PPM1H: variants seen among roughly 807,000 people sequenced by gnomAD.
The protein encoded by PPM1H is protein phosphatase, Mg2+/Mn2+ dependent 1H, also known as protein phosphatase 1H.
In PPM1H, 27 loss-of-function variants were observed where a neutral mutation model predicts 54.9. That is an observed-to-expected ratio of 0.49 (90% CI 0.36 to 0.68). The LOEUF (loss-of-function observed/expected upper bound fraction) is 0.68. PPM1H is among the 30% of genes least tolerant of loss of function. The pLI is 0.00. For missense variants in PPM1H, 596 were observed against 667.8 expected, an observed-to-expected ratio of 0.89 and a Z score of 1.19; for synonymous variants, 305 against 270.8, an observed-to-expected ratio of 1.13 and a Z score of -1.24.
At chr12:62,650,148 G>A (rs1013793380) in intron 9 of PPM1H, among the ~76,000 whole-genome samples, 3 of 152,266 alleles carry the variant, frequency 2.0e-5, no homozygotes, top group African/African-American at 7.2e-5. Context: ...CATTATTTAA[G>A]AACAAGTCCT....
At chr12:62,802,715 G>GA (rs1161049000) in intron 2 of PPM1H, among the ~76,000 whole-genome samples, 14 of 152,028 alleles carry the variant, frequency 9.2e-5, no homozygotes, top group African/African-American at 2.9e-4. Context: ...GAGTAGCTGG[G>GA]ACTACAGGCG....
At chr12:62,679,601 T>C (rs1239036999) in intron 8 of PPM1H, among the ~76,000 whole-genome samples, 1 of 152,172 alleles carries the variant, frequency 6.6e-6, no homozygotes. Context: ...TAGATACTAA[T>C]GTGAATGTTT....
At chr12:62,740,333 C>T (rs1328664485) in intron 4 of PPM1H, among the ~76,000 whole-genome samples, 1 of 152,150 alleles carries the variant, frequency 6.6e-6, no homozygotes, top group Non-Finnish European at 1.5e-5. Context: ...ATTCTGATCT[C>T]CCAGGCAGCA....
chr12:62,904,810 G>C lies in PPM1H; in HGVS notation c.245+29682C>G, dbSNP rs577578129. On this transcript the variant is annotated intron_variant, in intron 1 of 9. Transcript: ENST00000228705. ...CCTTATTAGTATATAAAATAGTAGC[G>C]TGCCCAAAATCAGTATCTTAGTATA... Among the ~76,000 whole-genome samples the C allele has an allele frequency of 1.3e-5, 2 of 152,060 alleles. 1 individual carries two copies. Among genetic ancestry groups the C allele is most frequent in the Admixed American group, 1.3e-4 (2 of 15,256 alleles).
At chr12:62,672,488 C>T (rs1025455960) in intron 8 of PPM1H, among the ~76,000 whole-genome samples, 1 of 152,182 alleles carries the variant, frequency 6.6e-6, no homozygotes, top group African/African-American at 2.4e-5. Flanking sequence ...TGGAGTGCTA[C>T]CTTAACCAAG....
At chr12:62,809,475 A>G (rs147703037) in intron 2 of PPM1H, among the ~76,000 whole-genome samples, 1 of 152,354 alleles carries the variant, frequency 6.6e-6, no homozygotes, top group African/African-American at 2.4e-5. Flanking sequence ...ATCTGTGAAC[A>G]TGAAGGAATG....
chr12:62,849,098 A>G (rs1344351416), intron 1 of PPM1H, among the ~76,000 whole-genome samples: 1 of 152,158 alleles, frequency 6.6e-6, no homozygotes, highest in Admixed American at 6.5e-5. Flanking sequence ...GGGAGAGGGC[A>G]GGGGACACAC....
intron 4 of PPM1H, among the ~76,000 whole-genome samples, chr12:62,758,036 CA>C (rs2076486179): frequency 6.6e-6 from 1 of 152,170 alleles, no homozygotes; most frequent in South Asian, 2.1e-4. Flanking sequence ...ATTTGCTGTT[CA>C]AAAGGCTAAA....
chr12:62,656,718 G>GTAAT (rs2075846174), intron 9 of PPM1H, among the ~76,000 whole-genome samples: 1 of 152,140 alleles, frequency 6.6e-6, no homozygotes, highest in African/African-American at 2.4e-5. Context: ...GACACCCGCA[G>GTAAT]TAATACAGTG....
chr12:62,819,291 G>A (rs770755593), intron 2 of PPM1H, among the ~76,000 whole-genome samples: 5 of 151,390 alleles, frequency 3.3e-5, no homozygotes, highest in Admixed American at 2.6e-4. Context: ...CACTGCACCC[G>A]GCTAATTTTT....
At position 62,667,122 on chromosome 12, in the gene PPM1H, G is replaced by A. The variant is rs193283605; in HGVS notation, c.1397+56C>T. ...AAAATTGCATGATTATTAATTTCAG[G>A]CATGTCATGGAAGAATGCTTGAGGA... On this transcript the variant is annotated intron_variant, in intron 9 of 9. Coordinates refer to ENST00000228705, the MANE Select transcript of PPM1H (RefSeq NM_020700.2). 1.5e-5 allele frequency: 22 copies of A among 1,473,560 alleles called. No homozygotes were observed. In the Admixed American group the frequency reaches 4.2e-4, roughly 28 times the overall value. 91.3% of individuals were successfully genotyped at this position (1,473,560 alleles called of 1,614,324 possible).
chr12:62,811,208 G>T (rs1282982775), intron 2 of PPM1H, among the ~76,000 whole-genome samples: 4 of 152,138 alleles, frequency 2.6e-5, no homozygotes, highest in Non-Finnish European at 5.9e-5. Context: ...GTGATGATAT[G>T]TATCTATGCA....
At chr12:62,847,337 T>C (rs1869011280) in intron 1 of PPM1H, among the ~76,000 whole-genome samples, 1 of 152,204 alleles carries the variant, frequency 6.6e-6, no homozygotes, top group African/African-American at 2.4e-5. Flanking sequence ...TGGCTGTCAA[T>C]TGCAAGCTAG....
chr12:62,795,712 G>A (rs12296629), intron 3 of PPM1H, among the ~76,000 whole-genome samples: 3,335 of 152,124 alleles, frequency 0.022, 117 homozygotes, highest in African/African-American at 0.077. Context: ...GATTACAGGC[G>A]TGAGCCACCA....
chr12:62,878,695 T>A, intron 1 of PPM1H, among the ~76,000 whole-genome samples: 1 of 137,168 alleles, frequency 7.3e-6, no homozygotes, highest in East Asian at 2.4e-4. Flanking sequence ...ATCCCAGCAC[T>A]CTGGGAGGCC....
rs2075796076 is a variant in PPM1H at position 62,648,060 on chromosome 12, G to A, written c.*429C>T. 6.5e-6 allele frequency: 1 copy of A among 153,790 alleles called. No homozygotes were observed. The highest frequency in any genetic ancestry group is 1.9e-4 in the East Asian group (1 of 5,274). The allele number at this position is 153,790 out of a possible 1,614,324, so 9.5% of individuals were successfully genotyped here. Reference sequence around the variant, plus strand: ...GAAGGTGGGCACTTACTTACATTTTGAGGCATGACCCCCTACTTTCCAATG... The same window carrying A: ...GAAGGTGGGCACTTACTTACATTTTAAGGCATGACCCCCTACTTTCCAATG... On this transcript the variant is annotated 3_prime_UTR_variant, in exon 10 of 10. Coordinates refer to ENST00000228705, the MANE Select transcript of PPM1H (RefSeq NM_020700.2).
chr12:62,803,376 G>A (rs539054858), intron 2 of PPM1H, among the ~76,000 whole-genome samples: 1 of 152,274 alleles, frequency 6.6e-6, no homozygotes, highest in South Asian at 2.1e-4. Context: ...AGAATAGAGA[G>A]CTCAGAAATA....
At position 62,883,911 on chromosome 12, in the gene PPM1H, T is replaced by C. The variant is rs569647154; in HGVS notation, c.245+50581A>G. 9.2e-5 allele frequency among the ~76,000 whole-genome samples: 14 copies of C among 152,244 alleles called. 1 individual carries two copies. The highest frequency in any genetic ancestry group is 2.9e-4 in the African/African-American group (12 of 41,498). ...GAAGAAGAAAAAAGACAACAGAGTC[T>C]GAGGTCTATTTCTTAGATTCTCAGT... On this transcript the variant is annotated intron_variant, in intron 1 of 9. Transcript: ENST00000228705.
chr12:62,933,505 C>T (rs1453914378), intron 1 of PPM1H, among the ~76,000 whole-genome samples: 2 of 152,130 alleles, frequency 1.3e-5, no homozygotes, highest in African/African-American at 4.8e-5. Context: ...AAGGAAAAGG[C>T]GCAGGTGTGC....
Sources: gnomAD v4.1 joint callset for allele counts (sites outside exome capture counted in the v4.1 genomes callset) on GRCh38, gnomAD v4.1.1 for gene constraint, MANE v1.5 for transcripts, NCBI Gene and HGNC (gene_info 2026-07-23, HGNC 2026-07-21) for gene names.